Variants in PLA1A observed in about 807,000 individuals in gnomAD.
PLA1A encodes the protein phospholipase A1 member A.
A neutral mutation model predicts 49.4 loss-of-function variants in PLA1A; 47 were observed. The observed-to-expected ratio is 0.95, with a 90% CI of 0.75 to 1.21. The LOEUF (loss-of-function observed/expected upper bound fraction) is 1.21. Ranked by LOEUF, PLA1A falls within the 50% of genes most tolerant of loss-of-function variation. The pLI is 0.00. For missense variants in PLA1A, 561 were observed against 563.9 expected, an observed-to-expected ratio of 0.99 and a Z score of 0.05; for synonymous variants, 224 against 207.9, an observed-to-expected ratio of 1.08 and a Z score of -0.67.
chr3:119,608,297 A>AAAGT (rs1409211276), intron 2 of PLA1A, among the ~76,000 whole-genome samples: 30 of 151,252 alleles, frequency 2.0e-4, no homozygotes, highest in Non-Finnish European at 3.1e-4. Flanking sequence ...AGAAAGAAAG[A>AAAGT]AAAAGAAAAT....
intron 9 of PLA1A, 24 bp from the exon 10 acceptor site, chr3:119,628,671 ATTTACT>A: frequency 6.2e-7 from 1 of 1,610,038 alleles, no homozygotes; most frequent in Non-Finnish European, 8.5e-7. Flanking sequence ...GGCTACAGTC[ATTTACT>A]TTCCCTTTAC....
Position 119,620,051 on chromosome 3 carries a change from C to T in PLA1A, c.1012+399C>T, listed in dbSNP as rs113608909. On this transcript the variant is annotated intron_variant, in intron 8 of 10. Coordinates refer to ENST00000273371, the MANE Select transcript of PLA1A (RefSeq NM_015900.4). The stretch of plus-strand genomic sequence containing the variant: ...GTCCCTGGGGAATACTGAACCTTTC[C>T]CTCTGGTCTCCTTCCCCTTCACAGA... The T allele has an allele frequency of 5.8e-4, 267 of 459,720 alleles. 1 individual carries two copies. Among genetic ancestry groups the T allele is most frequent in the African/African-American group, 4.9e-3 (248 of 50,334 alleles). The allele number at this position is 459,720 out of a possible 1,614,324, so 28.5% of individuals were successfully genotyped here. A position where few individuals can be genotyped will look rare whatever the true frequency, so the allele number is the denominator to read the frequency against.
chr3:119,622,801 T>C (rs1276455816), intron 8 of PLA1A, among the ~76,000 whole-genome samples: 1 of 151,828 alleles, frequency 6.6e-6, no homozygotes, highest in Non-Finnish European at 1.5e-5. Flanking sequence ...GACAGTGTGT[T>C]AGGGAAACTG....
chr3:119,605,170 T>A (rs2107778019), intron 1 of PLA1A, among the ~76,000 whole-genome samples: 1 of 152,322 alleles, frequency 6.6e-6, no homozygotes, highest in African/African-American at 2.4e-5. Context: ...ATTAGCTCTC[T>A]CATGTGCTGT....
At chr3:119,624,649 T>A (rs184872881) in intron 8 of PLA1A, among the ~76,000 whole-genome samples, 1 of 151,434 alleles carries the variant, frequency 6.6e-6, no homozygotes, top group Admixed American at 6.6e-5. Flanking sequence ...TTTTTTTTTT[T>A]AGACGGAGTC....
At chr3:119,613,439 G>T (rs1370582978) in intron 5 of PLA1A, among the ~76,000 whole-genome samples, 2 of 152,248 alleles carry the variant, frequency 1.3e-5, no homozygotes, top group Admixed American at 1.3e-4. Flanking sequence ...GTAGGGCATT[G>T]CTGCCTGGCT....
intron 4 of PLA1A, among the ~76,000 whole-genome samples, chr3:119,609,805 CTTTTTA>C (rs1320867182): frequency 6.6e-6 from 1 of 152,056 alleles, no homozygotes; most frequent in Non-Finnish European, 1.5e-5. Flanking sequence ...TCTTCTTTTA[CTTTTTA>C]TTTTTAAGTT....
intron 1 of PLA1A, among the ~76,000 whole-genome samples, chr3:119,599,377 G>A (rs1392544869): frequency 6.6e-6 from 1 of 152,100 alleles, no homozygotes; most frequent in Non-Finnish European, 1.5e-5. Flanking sequence ...AAGGTGGGAG[G>A]TATCACCTAG....
chr3:119,626,976 A>G (rs1341134369), intron 9 of PLA1A, among the ~76,000 whole-genome samples: 1 of 152,214 alleles, frequency 6.6e-6, no homozygotes, highest in African/African-American at 2.4e-5. Flanking sequence ...GGCAGGAGTC[A>G]TGAAAATGAC....
intron 8 of PLA1A, among the ~76,000 whole-genome samples, chr3:119,621,834 A>G (rs2082937621): frequency 6.6e-6 from 1 of 152,160 alleles, no homozygotes; most frequent in South Asian, 2.1e-4. Flanking sequence ...GTGTTGTACG[A>G]CATGAGACAT....
At chr3:119,623,365 T>C (rs778730176) in intron 8 of PLA1A, among the ~76,000 whole-genome samples, 4 of 152,134 alleles carry the variant, frequency 2.6e-5, no homozygotes, top group Non-Finnish European at 5.9e-5. Flanking sequence ...CAGGCTGGTC[T>C]TGAACTCCTG....
chr3:119,600,129 G>A, intron 1 of PLA1A: 1 of 477,252 alleles, frequency 2.1e-6, no homozygotes, highest in Non-Finnish European at 3.7e-6. Context: ...GAGCTCAAAT[G>A]ATCGGGAGGG....
Position 119,625,185 on chromosome 3 carries a change from G to A in PLA1A, c.1074G>A (p.Glu358=), listed in dbSNP as rs2052500098. 6.2e-7 allele frequency: 1 copy of A among 1,613,806 alleles called. No homozygotes were observed. The highest frequency in any genetic ancestry group is 2.2e-5 in the East Asian group (1 of 44,874). Residue 358 remains glutamate (E), a synonymous_variant, in exon 9 of 11, where the codon GAG becomes GAA. Transcript: ENST00000273371. The part of the protein sequence containing the change: ...KELRNKDTNI[E]VTFLSSNITS... ...TGAGAAACAAGGACACCAACATCGAGGTTACCTTCCTTAGCAGTAACATCA... is the reference window on the plus strand; with the variant it reads ...TGAGAAACAAGGACACCAACATCGAAGTTACCTTCCTTAGCAGTAACATCA...
chr3:119,605,215 C>T (rs1262998419), intron 1 of PLA1A, among the ~76,000 whole-genome samples: 2 of 152,174 alleles, frequency 1.3e-5, no homozygotes, highest in Non-Finnish European at 2.9e-5. Context: ...AGCTTAGGGC[C>T]GGCACTCTCA....
At chr3:119,604,202 A>T (rs2082654196) in intron 1 of PLA1A, among the ~76,000 whole-genome samples, 1 of 152,246 alleles carries the variant, frequency 6.6e-6, no homozygotes, top group African/African-American at 2.4e-5. Context: ...GGCTCCTCAG[A>T]AAACTAAAGA....
rs145850687 is a variant in PLA1A, at chr3:119,628,698, C to T, written c.1122-3C>T. 2.6e-4 allele frequency: 414 copies of T among 1,613,700 alleles called. 2 individuals are homozygous for T. The African/African-American group carries it at 4.9e-3, about 19-fold the overall frequency. On this transcript the variant is annotated splice_region_variant and splice_polypyrimidine_tract_variant and intron_variant, in intron 9 of 10. Coordinates refer to ENST00000273371, the MANE Select transcript of PLA1A (RefSeq NM_015900.4). ...TTACTTTCCCTTTACCCTTTTCTTG[C>T]AGACCTAAGCAGCAACGCTATGGGA...
At chr3:119,617,956 C>T in intron 6 of PLA1A, 63 bp from the exon 7 acceptor site, 2 of 1,318,570 alleles carry the variant, frequency 1.5e-6, no homozygotes, top group East Asian at 4.8e-5. Context: ...TAGAGTTTCA[C>T]TAAACAGCAT....
chr3:119,612,988 A>G, intron 4 of PLA1A, 29 bp from the exon 5 acceptor site: 1 of 1,397,864 alleles, frequency 7.2e-7, no homozygotes, highest in South Asian at 1.3e-5. Flanking sequence ...GAGAGGAAAG[A>G]GGTCCCTCAT....
At position 119,606,942 on chromosome 3, in the gene PLA1A, C is replaced by A. The variant is rs761675132; in HGVS notation, c.242C>A (p.Thr81Asn). ...SDLQNSGFNATLGTKLIIHGF... is the reference protein window; with the variant it reads ...SDLQNSGFNANLGTKLIIHGF... ...CTCCAAAACTCTGGGTTCAATGCCA[C>A]TCTGGGAACCAAACTAATTATCCAT... Residue 81 changes from threonine to asparagine, a missense_variant, in exon 2 of 11, where the codon ACT becomes AAT. By Grantham distance (65) the Thr-to-Asn change is moderately conservative. Coordinates refer to ENST00000273371, the MANE Select transcript of PLA1A (RefSeq NM_015900.4). The A allele has an allele frequency of 1.2e-6, 2 of 1,614,062 alleles. No individual in the cohort carries two copies. Among genetic ancestry groups the A allele is most frequent in the South Asian group, 2.2e-5 (2 of 91,080 alleles).
Sources: gnomAD v4.1 joint callset for allele counts (sites outside exome capture counted in the v4.1 genomes callset) on GRCh38, gnomAD v4.1.1 for gene constraint, MANE v1.5 for transcripts, NCBI Gene and HGNC (gene_info 2026-07-23, HGNC 2026-07-21) for gene names.